MOB3A: variants seen among roughly 807,000 people sequenced by gnomAD.
MOB3A encodes MOB kinase activator 3A.
A neutral mutation model predicts 17.8 loss-of-function variants in MOB3A; 17 were observed. The ratio of observed to expected loss-of-function variants is 0.95; its 90% CI spans 0.65 to 1.43. The LOEUF (loss-of-function observed/expected upper bound fraction) is 1.43. Ranked by LOEUF, MOB3A falls within the 40% of genes most tolerant of loss-of-function variation. The probability of loss-of-function intolerance (pLI) is 0.00; values close to 1 mark genes in which losing one functional copy is unlikely to be tolerated. For synonymous variants in MOB3A, 124 were observed against 133.2 expected (o/e 0.93, Z 0.48); for missense variants, 333 against 310.8 (o/e 1.07, Z -0.54).
intron 2 of MOB3A, among the ~76,000 whole-genome samples, chr19:2,081,676 G>A (rs1011115421): frequency 5.9e-5 from 9 of 152,134 alleles, no homozygotes; most frequent in African/African-American, 2.2e-4. Flanking sequence ...ACGAGGTCAG[G>A]AGTTCAAGAC....
At chr19:2,083,562 T>G (rs2017516254) in intron 2 of MOB3A, among the ~76,000 whole-genome samples, 1 of 152,168 alleles carries the variant, frequency 6.6e-6, no homozygotes, top group Middle Eastern at 3.4e-3. Context: ...ATGGGGCGAG[T>G]GCAGGCCCCA....
At chr19:2,081,586 T>TCAAAA (rs201553555) in intron 2 of MOB3A, among the ~76,000 whole-genome samples, 18 of 141,096 alleles carry the variant, frequency 1.3e-4, no homozygotes, top group Admixed American at 2.9e-4. Flanking sequence ...AGATTCTGCT[T>TCAAAA]CAAAACAAAA....
At chr19:2,091,393 T>G (rs1044500720) in intron 1 of MOB3A, among the ~76,000 whole-genome samples, 4 of 152,088 alleles carry the variant, frequency 2.6e-5, no homozygotes, top group Non-Finnish European at 5.9e-5. Flanking sequence ...GACCTTTTTT[T>G]CTTTTTTGGA....
Position 2,073,180 on chromosome 19 carries a change from T to A in MOB3A, c.*215A>T. The A allele has an allele frequency of 1.6e-6, 1 of 633,404 alleles. No individual in the cohort carries two copies. The highest frequency in any genetic ancestry group is 1.8e-5 in the South Asian group (1 of 54,542). The allele number at this position is 633,404 out of a possible 1,614,324, so 39.2% of individuals were successfully genotyped here. Reference sequence around the variant, plus strand: ...CACATAGAATTACAGAGTTCACGTTTTAGTCCCAGACGGGAGACTGAGGCT... The same window carrying A: ...CACATAGAATTACAGAGTTCACGTTATAGTCCCAGACGGGAGACTGAGGCT... On this transcript the variant is annotated 3_prime_UTR_variant, in exon 5 of 5. Coordinates refer to ENST00000357066, the MANE Select transcript of MOB3A (RefSeq NM_130807.3).
intron 3 of MOB3A, 80 bp downstream of exon 3, chr19:2,078,060 G>T: frequency 1.4e-6 from 2 of 1,381,732 alleles, no homozygotes; most frequent in Non-Finnish European, 1.9e-6. Flanking sequence ...CTGGCATTAC[G>T]GGTGTGAGCC....
chr19:2,073,375 C>G lies in MOB3A; in HGVS notation c.*20G>C, dbSNP rs1382106784. 1 of 1,613,160 alleles carries G rather than the reference C, an allele frequency of 6.2e-7. No individual in the cohort carries two copies. The highest frequency in any genetic ancestry group is 8.5e-7 in the Non-Finnish European group (1 of 1,179,928). On this transcript the variant is annotated 3_prime_UTR_variant, in exon 5 of 5. Coordinates refer to ENST00000357066, the MANE Select transcript of MOB3A (RefSeq NM_130807.3). ...CGAGGCCCCAGCGGCGGTTCGGGCACCGGGAGACCCGCGGGGCTCTCAGTG... is the reference window on the plus strand; with the variant it reads ...CGAGGCCCCAGCGGCGGTTCGGGCAGCGGGAGACCCGCGGGGCTCTCAGTG...
chr19:2,087,342 A>G (rs1048319390), intron 1 of MOB3A, among the ~76,000 whole-genome samples: 3 of 152,150 alleles, frequency 2.0e-5, no homozygotes, highest in African/African-American at 7.2e-5. Flanking sequence ...TAATTCCAGA[A>G]CACTTTCCTC....
At chr19:2,078,012 TG>T in intron 3 of MOB3A, 127 bp downstream of exon 3, 1 of 1,004,088 alleles carries the variant, frequency 1.0e-6, no homozygotes, top group Non-Finnish European at 1.4e-6. Flanking sequence ...CTCAAACTCC[TG>T]GGCTCAAGCG....
At position 2,078,307 on chromosome 19, in the gene MOB3A, T is replaced by C; in HGVS notation, c.254A>G (p.Glu85Gly). ...CCCCGACATGACGGGGCAGGACTGC[T>C]CCGTGCAGCCGTCGCTGATGGTGCC... The part of the protein sequence containing the change: ...IYGTISDGCT[E>G]QSCPVMSGGP... The change falls in exon 3 of 5, where the codon GAG becomes GGG. Residue 85 changes from glutamate to glycine, a missense_variant. Coordinates refer to ENST00000357066, the MANE Select transcript of MOB3A (RefSeq NM_130807.3). 1 of 1,614,134 alleles carries C rather than the reference T, an allele frequency of 6.2e-7. No homozygotes were observed. Among genetic ancestry groups the C allele is most frequent in the Non-Finnish European group, 8.5e-7 (1 of 1,180,006 alleles).
chr19:2,078,036 G>A (rs77608084), intron 3 of MOB3A, 104 bp downstream of exon 3: 18,148 of 1,199,260 alleles, frequency 0.015, 220 homozygotes, highest in Middle Eastern at 0.049. Context: ...CCCTGGGCTC[G>A]GCCTCCCAAA....
intron 3 of MOB3A, among the ~76,000 whole-genome samples, chr19:2,077,397 G>A (rs2017426095): frequency 6.6e-6 from 1 of 151,080 alleles, no homozygotes; most frequent in South Asian, 2.1e-4. Context: ...GTGAGACACT[G>A]TCTCAAAAAA....
chr19:2,086,502 GAC>G (rs1455444605), intron 1 of MOB3A, among the ~76,000 whole-genome samples: 1 of 151,500 alleles, frequency 6.6e-6, no homozygotes, highest in Non-Finnish European at 1.5e-5. Flanking sequence ...TGGGATTACA[GAC>G]ACACGCCACC....
chr19:2,084,569 G>A (rs958536351), intron 2 of MOB3A, among the ~76,000 whole-genome samples: 4 of 151,984 alleles, frequency 2.6e-5, no homozygotes, highest in Non-Finnish European at 4.4e-5. Flanking sequence ...CAGAGTTCCC[G>A]TCACAGCAGA....
intron 1 of MOB3A, among the ~76,000 whole-genome samples, chr19:2,095,571 CAGG>C (rs910875695): frequency 1.3e-5 from 2 of 152,138 alleles, no homozygotes; most frequent in African/African-American, 4.8e-5. Context: ...CGGGCAGGGC[CAGG>C]AGTTCACCCC....
At chr19:2,090,673 T>A (rs1052054775) in intron 1 of MOB3A, among the ~76,000 whole-genome samples, 2 of 152,288 alleles carry the variant, frequency 1.3e-5, no homozygotes, top group East Asian at 1.9e-4. Context: ...ATACGTTATT[T>A]TTTTTTTTAA....
chr19:2,093,269 T>C lies in MOB3A; in HGVS notation c.-274+2957A>G, dbSNP rs1355245000. 2.0e-5 allele frequency among the ~76,000 whole-genome samples: 3 copies of C among 152,090 alleles called. No individual in the cohort carries two copies. Among genetic ancestry groups the C allele is most frequent in the Non-Finnish European group, 4.4e-5 (3 of 68,028 alleles). On this transcript the variant is annotated intron_variant, in intron 1 of 4. Transcript: ENST00000357066. The surrounding 1 kb of genome is among the most constrained non-coding windows in gnomAD (Gnocchi z 4.6). ...GCCTCCCGGGTTCAAGTGATTCTCC[T>C]GCCTCAGCCTCCTGAGTAGCTGGGA...
intron 2 of MOB3A, among the ~76,000 whole-genome samples, chr19:2,081,399 C>T (rs902306139): frequency 1.7e-4 from 25 of 151,010 alleles, no homozygotes; most frequent in African/African-American, 6.1e-4. Flanking sequence ...ATCAGCCTGG[C>T]CAACATGGTG....
intron 2 of MOB3A, among the ~76,000 whole-genome samples, chr19:2,084,840 T>C (rs28559982): frequency 0.28 from 42,305 of 151,862 alleles, 6,760 homozygotes; most frequent in African/African-American, 0.45. Context: ...CTGCCCGCTT[T>C]GCCCTCCCAA....
chr19:2,077,276 C>T (rs2017424447), intron 3 of MOB3A, among the ~76,000 whole-genome samples: 1 of 152,106 alleles, frequency 6.6e-6, no homozygotes, highest in African/African-American at 2.4e-5. Flanking sequence ...GTGGCTCATG[C>T]CTGTAATCCC....
Sources: allele counts gnomAD v4.1 joint callset (sites outside exome capture counted in the v4.1 genomes callset), GRCh38; gene constraint gnomAD v4.1.1; non-coding constraint Gnocchi (gnomAD v3.1); transcripts MANE v1.5; gene names NCBI Gene and HGNC (gene_info 2026-07-23, HGNC 2026-07-21).